The following EPM2A variants were observed in gnomAD, a reference collection of about 807,000 sequenced individuals.
EPM2A encodes EPM2A glucan phosphatase, laforin.
A neutral mutation model predicts 26.5 loss-of-function variants in EPM2A; 21 were observed. The observed-to-expected ratio is 0.79, with a 90% confidence interval of 0.56 to 1.14. The LOEUF is 1.14. Ranked by LOEUF, EPM2A falls within the 50% of genes most tolerant of loss-of-function variation. EPM2A has a pLI of 0.00. For synonymous variants in EPM2A, 217 were observed against 177.6 expected (o/e 1.22, Z -1.76); for missense variants, 458 against 440.8 (o/e 1.04, Z -0.35).
intron 4 of EPM2A, among the ~76,000 whole-genome samples, chr6:145,427,822 T>G (rs1242802575): frequency 6.6e-6 from 1 of 152,192 alleles, no homozygotes; most frequent in African/African-American, 2.4e-5. Context: ...GCCTACTTTC[T>G]TATTGTTAGT....
At chr6:145,442,014 A>G (rs1045749375) in intron 4 of EPM2A, among the ~76,000 whole-genome samples, 2 of 152,254 alleles carry the variant, frequency 1.3e-5, no homozygotes, top group East Asian at 3.8e-4. Flanking sequence ...TCTCTAGGGC[A>G]GGGGCAAAAT....
intron 2 of EPM2A, chr6:145,639,641 G>C (rs1239972012): frequency 6.6e-6 from 1 of 152,090 alleles, no homozygotes; most frequent in Non-Finnish European, 1.5e-5. Flanking sequence ...TCCTCAGTCT[G>C]ACATATCTAC....
rs570276189 is a variant in EPM2A, at chr6:145,575,290, G to A, written c.340+59955C>T. Among the ~76,000 whole-genome samples the A allele has an allele frequency of 7.4e-4, 113 of 152,244 alleles. 1 individual carries two copies. The highest frequency in any genetic ancestry group is 1.2e-3 in the Non-Finnish European group (85 of 68,020). On this transcript the variant is annotated intron_variant, in intron 2 of 3. Transcript: ENST00000450221. The stretch of plus-strand genomic sequence containing the variant: ...ACTCAGTGTTCCCAGTTTCATCAGG[G>A]TCTTCCCACACATCCCCATTCCTGG...
intron 2 of EPM2A, chr6:145,638,312 C>A (rs1776846464): frequency 6.6e-6 from 1 of 152,050 alleles, no homozygotes; most frequent in South Asian, 2.1e-4. Context: ...TTTGAGCCTG[C>A]AATATAAGAA....
At chr6:145,474,568 A>T (rs542480205) in intron 4 of EPM2A, among the ~76,000 whole-genome samples, 1 of 152,294 alleles carries the variant, frequency 6.6e-6, no homozygotes, top group African/African-American at 2.4e-5. Flanking sequence ...ATGGGCAAAG[A>T]CTTCATGACT....
chr6:145,388,801 A>G (rs1278334628), intron 4 of EPM2A, among the ~76,000 whole-genome samples: 1 of 152,046 alleles, frequency 6.6e-6, no homozygotes, highest in Non-Finnish European at 1.5e-5. Flanking sequence ...GCTGAGAATG[A>G]TGGTTTCCAG....
At chr6:145,629,279 C>T (rs1309914729) in intron 3 of EPM2A, 1 of 152,258 alleles carries the variant, frequency 6.6e-6, no homozygotes, top group African/African-American at 2.4e-5. Flanking sequence ...GAGTTACCAG[C>T]TTCTATGTAT....
At chr6:145,581,272 C>T (rs1781109091) in intron 2 of EPM2A, among the ~76,000 whole-genome samples, 1 of 152,008 alleles carries the variant, frequency 6.6e-6, no homozygotes, top group South Asian at 2.1e-4. Flanking sequence ...GAGGGTTTTT[C>T]ATGTTTGTTG....
chr6:145,672,068 G>A (rs941733272), intron 2 of EPM2A, among the ~76,000 whole-genome samples: 1 of 152,178 alleles, frequency 6.6e-6, no homozygotes, highest in African/African-American at 2.4e-5. Flanking sequence ...AGAGGGTGGT[G>A]TAGTTTGGTC....
intron 4 of EPM2A, among the ~76,000 whole-genome samples, chr6:145,473,556 C>T (rs957973856): frequency 3.3e-5 from 5 of 151,956 alleles, no homozygotes; most frequent in Non-Finnish European, 5.9e-5. Flanking sequence ...TACCCAAGTA[C>T]AAGAAGGTTA....
chr6:145,677,441 GGCA>G (rs949118323), intron 2 of EPM2A, among the ~76,000 whole-genome samples: 4 of 152,108 alleles, frequency 2.6e-5, no homozygotes, highest in African/African-American at 9.7e-5. Context: ...AGGACAATCA[GGCA>G]AGAGAAAGAA....
intron 2 of EPM2A, among the ~76,000 whole-genome samples, chr6:145,568,448 T>C (rs888202348): frequency 1.3e-5 from 2 of 151,926 alleles, no homozygotes; most frequent in Non-Finnish European, 2.9e-5. Context: ...GCCTCCCTGG[T>C]AGCTGGGATT....
At chr6:145,570,504 G>A (rs531729724) in intron 2 of EPM2A, among the ~76,000 whole-genome samples, 9 of 152,308 alleles carry the variant, frequency 5.9e-5, no homozygotes, top group African/African-American at 1.7e-4. Context: ...CTTAGTATAC[G>A]TGTACACATG....
chr6:145,547,308 C>G (rs1454868993), intron 2 of EPM2A, among the ~76,000 whole-genome samples: 1 of 152,090 alleles, frequency 6.6e-6, no homozygotes. Context: ...TCTAGTCCCT[C>G]TACACTAAAC....
intron 2 of EPM2A, among the ~76,000 whole-genome samples, chr6:145,525,343 T>G (rs1210908685): frequency 6.6e-6 from 1 of 152,056 alleles, no homozygotes; most frequent in Non-Finnish European, 1.5e-5. Flanking sequence ...TTTTGAAGAA[T>G]GACACTGGTA....
chr6:145,496,158 A>T (rs1401343642), intron 4 of EPM2A, among the ~76,000 whole-genome samples: 1 of 152,128 alleles, frequency 6.6e-6, no homozygotes. Flanking sequence ...TAGGGTTTCC[A>T]CTGAGAGGTC....
intron 2 of EPM2A, among the ~76,000 whole-genome samples, chr6:145,663,685 GA>G (rs1778923677): frequency 7.0e-6 from 1 of 143,110 alleles, no homozygotes; most frequent in Admixed American, 7.3e-5. Flanking sequence ...TACTCCTCGA[GA>G]AGAGCAACTC....
intron 2 of EPM2A, among the ~76,000 whole-genome samples, chr6:145,536,940 G>C (rs1025402728): frequency 6.6e-6 from 1 of 152,184 alleles, no homozygotes; most frequent in South Asian, 2.1e-4. Flanking sequence ...CCTGATTGTA[G>C]GTTGTTGGCA....
At chr6:145,577,005 G>T (rs1300333687) in intron 2 of EPM2A, among the ~76,000 whole-genome samples, 1 of 150,296 alleles carries the variant, frequency 6.7e-6, no homozygotes, top group African/African-American at 2.5e-5. Flanking sequence ...TAACCACATT[G>T]TCAAAACCTA....
Sources: allele counts gnomAD v4.1 joint callset (sites outside exome capture counted in the v4.1 genomes callset), GRCh38; gene constraint gnomAD v4.1.1; transcripts MANE v1.5; gene names NCBI Gene and HGNC (gene_info 2026-07-23, HGNC 2026-07-21).